The following ERAP1 variants were observed in gnomAD, a reference collection of about 807,000 sequenced individuals.
The protein encoded by ERAP1 is endoplasmic reticulum aminopeptidase 1, also known as adipocyte-derived leucine aminopeptidase.
ERAP1 carries 86 observed loss-of-function variants against 103.7 expected under a neutral mutation model. The ratio of observed to expected loss-of-function variants is 0.83; its 90% CI spans 0.70 to 0.99. The LOEUF is 0.99. ERAP1 is among the 50% of genes least tolerant of loss of function. The pLI is 0.00. For missense variants in ERAP1, 1,009 were observed against 1,128.4 expected (o/e 0.89, Z 1.52); for synonymous variants, 398 against 402.4 (o/e 0.99, Z 0.13).
At chr5:96,929,818 T>TA in the ERAP1 span, among the ~76,000 whole-genome samples, 1 of 152,216 alleles carries the variant, frequency 6.6e-6, no homozygotes, top group East Asian at 1.9e-4. Context: ...ATCAATTATA[T>TA]AAAAAATTAC....
At chr5:96,881,440 GTGGACGGCT>G in the ERAP1 span, 4 of 456,138 alleles carry the variant, frequency 8.8e-6, no homozygotes, top group Admixed American at 7.0e-5. Context: ...GCTTCATAGA[GTGGACGGCT>G]TGGTTTCCCA....
At chr5:96,784,217 G>A (rs979651768) in intron 13 of ERAP1, 137 bp from the exon 14 acceptor site, 21 of 910,342 alleles carry the variant, frequency 2.3e-5, no homozygotes, top group African/African-American at 1.7e-4. Context: ...AACTACGGCC[G>A]GGCGCGGTGG....
chr5:96,860,789 C>T, the ERAP1 span, among the ~76,000 whole-genome samples: 1 of 152,096 alleles, frequency 6.6e-6, no homozygotes, highest in Non-Finnish European at 1.5e-5. Context: ...AAATGATTGC[C>T]TCACTTTTCA....
intron 1 of ERAP1, chr5:96,804,964 A>AT (rs1778407832): frequency 6.9e-6 from 1 of 145,982 alleles, no homozygotes; most frequent in Non-Finnish European, 1.5e-5. Flanking sequence ...AAAAAAAGGC[A>AT]ATGTGAATTT....
At chr5:96,841,759 T>C in the ERAP1 span, among the ~76,000 whole-genome samples, 1 of 150,330 alleles carries the variant, frequency 6.7e-6, no homozygotes, top group African/African-American at 2.4e-5. Flanking sequence ...TTTTTTTTTT[T>C]TTTTTTTGAG....
the ERAP1 span, among the ~76,000 whole-genome samples, chr5:96,815,949 G>A: frequency 3.9e-5 from 6 of 152,218 alleles, no homozygotes; most frequent in South Asian, 2.1e-4. Context: ...GATAGAGATC[G>A]AGATATAGCC....
At chr5:96,918,993 C>G in the ERAP1 span, 1 of 152,092 alleles carries the variant, frequency 6.6e-6, no homozygotes, top group Non-Finnish European at 1.5e-5. Flanking sequence ...AAAGATCACT[C>G]TACATACAGA....
the ERAP1 span, chr5:96,902,588 G>C: frequency 3.1e-5 from 12 of 383,790 alleles, no homozygotes; most frequent in Non-Finnish European, 5.7e-5. Flanking sequence ...TTTACATCAA[G>C]AAATAACAGA....
chr5:96,866,570 G>C, the ERAP1 span, among the ~76,000 whole-genome samples: 10,841 of 152,214 alleles, frequency 0.071, 547 homozygotes, highest in Middle Eastern at 0.17. Flanking sequence ...TGTTTTTCTG[G>C]GTGCAGTTGC....
rs146431927 is a variant in ERAP1 at position 96,797,081 on chromosome 5, C to T, written c.798+94G>A. ...TGGGTTTATGTTGGGTTTACACGCA[C>T]GACCCACTGCGCTCAGGCAGACTTC... On this transcript the variant is annotated intron_variant, in intron 4 of 18. Coordinates refer to ENST00000443439, the MANE Select transcript of ERAP1 (RefSeq NM_001040458.3). The T allele has an allele frequency of 3.1e-4, 450 of 1,473,330 alleles. 3 individuals are homozygous for T. In the African/African-American group the frequency reaches 4.2e-3, roughly 14 times the overall value. The allele number at this position is 1,473,330 out of a possible 1,614,324, so 91.3% of individuals were successfully genotyped here.
the ERAP1 span, among the ~76,000 whole-genome samples, chr5:96,852,488 C>T: frequency 1.3e-5 from 2 of 152,136 alleles, no homozygotes; most frequent in Non-Finnish European, 1.5e-5. Context: ...TAGGAAAGTA[C>T]GTTCTTAGGT....
At chr5:96,898,005 T>C in the ERAP1 span, among the ~76,000 whole-genome samples, 2 of 152,176 alleles carry the variant, frequency 1.3e-5, no homozygotes, top group Non-Finnish European at 2.9e-5. Context: ...GAGACCAGCC[T>C]GGCCAATTCG....
the ERAP1 span, chr5:96,909,936 A>G: frequency 1.7e-6 from 1 of 596,486 alleles, no homozygotes. Flanking sequence ...TATGGAGACT[A>G]GTACAATCTC....
At chr5:96,818,644 C>T in the ERAP1 span, among the ~76,000 whole-genome samples, 4 of 152,068 alleles carry the variant, frequency 2.6e-5, no homozygotes, top group Admixed American at 6.5e-5. Flanking sequence ...CTTCAACGCC[C>T]GAGGCATTCA....
At chr5:96,813,389 T>C in the ERAP1 span, among the ~76,000 whole-genome samples, 1 of 152,162 alleles carries the variant, frequency 6.6e-6, no homozygotes, top group East Asian at 1.9e-4. Flanking sequence ...GCGCGGTGGC[T>C]CACGCCTGCA....
At chr5:96,886,915 A>C in the ERAP1 span, 4 of 923,288 alleles carry the variant, frequency 4.3e-6, no homozygotes, top group Non-Finnish European at 4.3e-6. Context: ...AGATAGATAA[A>C]AAACTAAGTT....
At chr5:96,841,645 T>TA in the ERAP1 span, among the ~76,000 whole-genome samples, 7 of 151,750 alleles carry the variant, frequency 4.6e-5, no homozygotes, top group East Asian at 1.2e-3. Flanking sequence ...AGCAACTTGA[T>TA]AAGCACAAAG....
the ERAP1 span, among the ~76,000 whole-genome samples, chr5:96,814,874 G>A: frequency 7.8e-4 from 119 of 152,334 alleles, 1 homozygote; most frequent in Middle Eastern, 0.014. Flanking sequence ...GTGTCCTTGG[G>A]ACTAGGGGTC....
At chr5:96,780,188 A>T (rs984913182) in intron 18 of ERAP1, among the ~76,000 whole-genome samples, 4 of 152,174 alleles carry the variant, frequency 2.6e-5, no homozygotes, top group Non-Finnish European at 4.4e-5. Flanking sequence ...TTCAAGTCCT[A>T]AGGTTTTTAC....
Sources: gnomAD v4.1 joint callset for allele counts (sites outside exome capture counted in the v4.1 genomes callset) on GRCh38, gnomAD v4.1.1 for gene constraint, MANE v1.5 for transcripts, NCBI Gene and HGNC (gene_info 2026-07-23, HGNC 2026-07-21) for gene names.